The following LYN variants were observed in gnomAD, a reference collection of about 807,000 sequenced individuals.
LYN encodes the protein LYN proto-oncogene, Src family tyrosine kinase, also known as tyrosine-protein kinase Lyn.
In LYN, 12 loss-of-function variants were observed where a neutral mutation model predicts 65.0. That is an observed-to-expected ratio of 0.18 (90% confidence interval 0.12 to 0.30). LYN has a LOEUF of 0.30. LYN is among the 10% of genes least tolerant of loss of function. LYN has a pLI of 1.00. For missense variants in LYN, 380 were observed against 623.2 expected (o/e 0.61, Z 4.16); for synonymous variants, 222 against 221.2 (o/e 1.00, Z -0.03).
chr8:55,883,140 G>T (rs957080710), intron 1 of LYN, among the ~76,000 whole-genome samples: 2 of 152,116 alleles, frequency 1.3e-5, no homozygotes, highest in African/African-American at 2.4e-5. Flanking sequence ...GTAATTTATT[G>T]AATACTGTAT....
At chr8:55,906,311 T>A (rs1805415862) in intron 1 of LYN, among the ~76,000 whole-genome samples, 1 of 151,856 alleles carries the variant, frequency 6.6e-6, no homozygotes, top group Admixed American at 6.6e-5. Context: ...GGAGGATTGC[T>A]TGAGGCCAAG....
intron 4 of LYN, among the ~76,000 whole-genome samples, chr8:55,948,656 G>A (rs1250979930): frequency 6.6e-6 from 1 of 152,212 alleles, no homozygotes; most frequent in Non-Finnish European, 1.5e-5. Flanking sequence ...GCCAAATAGG[G>A]TTTGAGGGGG....
chr8:55,940,773 T>C (rs1373051854), intron 1 of LYN, among the ~76,000 whole-genome samples: 1 of 152,214 alleles, frequency 6.6e-6, no homozygotes, highest in Non-Finnish European at 1.5e-5. Flanking sequence ...AGAGTGCGTG[T>C]GTAGTGCTCA....
intron 1 of LYN, among the ~76,000 whole-genome samples, chr8:55,897,478 T>A (rs751870938): frequency 1.7e-4 from 26 of 152,178 alleles, no homozygotes; most frequent in Admixed American, 9.8e-4. Flanking sequence ...CTAGTAACAG[T>A]TCTGTCTTAC....
intron 1 of LYN, 141 bp downstream of exon 1, chr8:55,880,244 C>G (rs1346568404): frequency 6.5e-6 from 1 of 154,326 alleles, no homozygotes; most frequent in Non-Finnish European, 1.4e-5. Flanking sequence ...CGGCGGCTTC[C>G]TGGCCGCACC....
intron 10 of LYN, among the ~76,000 whole-genome samples, chr8:55,988,646 T>C (rs1229457652): frequency 6.6e-6 from 1 of 152,152 alleles, no homozygotes; most frequent in Non-Finnish European, 1.5e-5. Flanking sequence ...TCCTACTTTT[T>C]GACAGGTTTC....
intron 10 of LYN, among the ~76,000 whole-genome samples, chr8:55,996,936 C>G (rs928307001): frequency 6.6e-6 from 1 of 151,994 alleles, no homozygotes; most frequent in African/African-American, 2.4e-5. Flanking sequence ...TTGAGACCAG[C>G]CTGATGAAAC....
At chr8:55,959,772 G>T (rs1362670957) in intron 8 of LYN, among the ~76,000 whole-genome samples, 1 of 151,818 alleles carries the variant, frequency 6.6e-6, no homozygotes, top group Non-Finnish European at 1.5e-5. Flanking sequence ...ATGATGAATG[G>T]GTCAATAAAA....
chr8:55,997,032 G>A lies in LYN; in HGVS notation c.1051-1314G>A, dbSNP rs370424819. ...AAAAATTCGCCAGGCATGGTGGTGC[G>A]TGCCTGTAATCCCAGCTACTCGGGA... On this transcript the variant is annotated intron_variant, in intron 10 of 12. Coordinates refer to ENST00000519728, the MANE Select transcript of LYN (RefSeq NM_002350.4). 3.6e-4 allele frequency among the ~76,000 whole-genome samples: 55 copies of A among 151,954 alleles called. No homozygotes were observed. In the South Asian group the frequency reaches 0.01, roughly 28 times the overall value.
At chr8:55,896,993 G>A (rs1805127648) in intron 1 of LYN, among the ~76,000 whole-genome samples, 1 of 152,134 alleles carries the variant, frequency 6.6e-6, no homozygotes, top group African/African-American at 2.4e-5. Context: ...GCCTGCCTTG[G>A]CCTCCCAAAG....
chr8:55,950,448 T>G lies in LYN; in HGVS notation c.285-11T>G. 6.3e-7 allele frequency: 1 copy of G among 1,589,662 alleles called. No homozygotes were observed. Among genetic ancestry groups the G allele is most frequent in the Non-Finnish European group, 8.6e-7 (1 of 1,165,106 alleles). ...CTTTTAGCTTCTTTTTGATGTGTAT[T>G]TCTATTCTAGGCATGGAGAATGGTG... On this transcript the variant is annotated splice_polypyrimidine_tract_variant and intron_variant, in intron 4 of 12. Transcript: ENST00000519728.
intron 1 of LYN, among the ~76,000 whole-genome samples, chr8:55,900,162 T>G (rs994606861): frequency 6.6e-6 from 1 of 152,060 alleles, no homozygotes; most frequent in Non-Finnish European, 1.5e-5. Flanking sequence ...TCTGCCAACT[T>G]GGTGCAATTT....
chr8:55,902,331 C>CTTTT (rs11424283), intron 1 of LYN, among the ~76,000 whole-genome samples: 1 of 134,140 alleles, frequency 7.5e-6, no homozygotes, highest in Non-Finnish European at 1.6e-5. Context: ...TTCTTTCTTT[C>CTTTT]TTTTTTTTTT....
At chr8:55,938,785 C>G (rs1806514352) in intron 1 of LYN, among the ~76,000 whole-genome samples, 1 of 152,152 alleles carries the variant, frequency 6.6e-6, no homozygotes, top group Non-Finnish European at 1.5e-5. Context: ...CATTGTATGG[C>G]AAAGTGGTAA....
intron 2 of LYN, 115 bp downstream of exon 2, chr8:55,942,106 C>A: frequency 1.9e-6 from 2 of 1,073,940 alleles, no homozygotes; most frequent in Non-Finnish European, 2.7e-6. Context: ...TTACTTGGTC[C>A]TCAAATAATT....
intron 1 of LYN, among the ~76,000 whole-genome samples, chr8:55,914,474 C>A (rs1322672126): frequency 6.6e-6 from 1 of 152,094 alleles, no homozygotes; most frequent in Non-Finnish European, 1.5e-5. Flanking sequence ...TCCTTCAGAG[C>A]TCAGAGAGGC....
chr8:55,964,772 A>G (rs1020832580), intron 8 of LYN, among the ~76,000 whole-genome samples: 2 of 152,256 alleles, frequency 1.3e-5, no homozygotes, highest in Non-Finnish European at 1.5e-5. Flanking sequence ...CAATCAGAAT[A>G]GAAAAGAACA....
intron 10 of LYN, among the ~76,000 whole-genome samples, chr8:55,992,166 CT>C (rs1413961825): frequency 6.6e-6 from 1 of 152,136 alleles, no homozygotes; most frequent in African/African-American, 2.4e-5. Context: ...TTGTTCACCC[CT>C]GGGCCTGACA....
intron 7 of LYN, among the ~76,000 whole-genome samples, chr8:55,953,178 C>T (rs918338659): frequency 7.2e-5 from 11 of 152,114 alleles, no homozygotes; most frequent in Non-Finnish European, 1.6e-4. Flanking sequence ...GTGACATGAC[C>T]GAGTCCCCAC....
Sources: gnomAD v4.1 joint callset for allele counts (sites outside exome capture counted in the v4.1 genomes callset) on GRCh38, gnomAD v4.1.1 for gene constraint, MANE v1.5 for transcripts, NCBI Gene and HGNC (gene_info 2026-07-23, HGNC 2026-07-21) for gene names.